JARID2: variants seen among roughly 807,000 people sequenced by gnomAD.
JARID2 encodes protein Jumonji.
In JARID2, 21 loss-of-function variants were observed where a neutral mutation model predicts 125.6. That is an observed-to-expected ratio of 0.17 (90% CI 0.12 to 0.24). The LOEUF (loss-of-function observed/expected upper bound fraction) is 0.24. Ranked by LOEUF, JARID2 falls within the 10% of genes least tolerant of loss-of-function variation. JARID2 has a pLI of 1.00. For missense variants in JARID2, 1,303 were observed against 1,639.6 expected (o/e 0.79, Z 3.55); for synonymous variants, 736 against 661.6 (o/e 1.11, Z -1.73).
At chr6:15,348,556 T>TA (rs1325080803) in intron 1 of JARID2, among the ~76,000 whole-genome samples, 2 of 152,220 alleles carry the variant, frequency 1.3e-5, no homozygotes, top group Non-Finnish European at 2.9e-5. Context: ...AGTTTGAACT[T>TA]AATTAAATTT....
At chr6:15,421,507 A>G (rs1463091414) in intron 3 of JARID2, among the ~76,000 whole-genome samples, 1 of 152,212 alleles carries the variant, frequency 6.6e-6, no homozygotes, top group East Asian at 1.9e-4. Context: ...TAATAAAAAT[A>G]GTAAACTCCA....
intron 4 of JARID2, among the ~76,000 whole-genome samples, chr6:15,455,593 G>A (rs62395398): frequency 0.074 from 11,287 of 152,164 alleles, 461 homozygotes; most frequent in East Asian, 0.091. Context: ...GTGCAACAGC[G>A]CGATCTTGGC....
chr6:15,251,759 A>C (rs1418350102), intron 1 of JARID2, among the ~76,000 whole-genome samples: 1 of 108,050 alleles, frequency 9.3e-6, no homozygotes, highest in African/African-American at 4.5e-5. Context: ...TGGGCGGATC[A>C]TGAGGGTCAG....
intron 1 of JARID2, among the ~76,000 whole-genome samples, chr6:15,286,460 C>T (rs1446863041): frequency 4.6e-5 from 7 of 151,660 alleles, no homozygotes; most frequent in East Asian, 2.0e-4. Context: ...CCATGTTGAC[C>T]GGGCTGTTCT....
intron 3 of JARID2, among the ~76,000 whole-genome samples, chr6:15,439,850 C>T (rs951632629): frequency 1.3e-5 from 2 of 152,184 alleles, no homozygotes; most frequent in Admixed American, 1.3e-4. Flanking sequence ...GGAGTTTCTG[C>T]TACTGGCTTG....
intron 3 of JARID2, among the ~76,000 whole-genome samples, chr6:15,439,827 A>C (rs1382588960): frequency 3.9e-5 from 6 of 152,204 alleles, no homozygotes; most frequent in Admixed American, 3.9e-4. Flanking sequence ...CATTCTTCCC[A>C]GTCTCACCCC....
chr6:15,273,402 T>C (rs541859810), intron 1 of JARID2, among the ~76,000 whole-genome samples: 6 of 152,356 alleles, frequency 3.9e-5, no homozygotes, highest in African/African-American at 1.4e-4. Context: ...GGTTGTGTTC[T>C]TTAAAAAACT....
At chr6:15,290,323 T>A (rs986659249) in intron 1 of JARID2, among the ~76,000 whole-genome samples, 6 of 152,374 alleles carry the variant, frequency 3.9e-5, no homozygotes, top group Non-Finnish European at 5.9e-5. Context: ...GTTTCCCATT[T>A]TTGGCTGTTA....
chr6:15,301,082 A>G (rs1761605650), intron 1 of JARID2, among the ~76,000 whole-genome samples: 1 of 152,212 alleles, frequency 6.6e-6, no homozygotes, highest in Admixed American at 6.5e-5. Context: ...AAAGCAGCGT[A>G]TAAGTAACTG....
intron 1 of JARID2, among the ~76,000 whole-genome samples, chr6:15,299,055 G>A (rs1171182724): frequency 1.3e-5 from 2 of 151,780 alleles, no homozygotes; most frequent in Non-Finnish European, 2.9e-5. Flanking sequence ...ATTTTGGGGT[G>A]CTTGGGTTCT....
chr6:15,488,374 G>A (rs190518240), intron 6 of JARID2, among the ~76,000 whole-genome samples: 3 of 152,326 alleles, frequency 2.0e-5, no homozygotes, highest in Admixed American at 6.5e-5. Flanking sequence ...CTGATGCCTC[G>A]TGCTCCTGTT....
At chr6:15,269,252 C>A (rs1760203849) in intron 1 of JARID2, among the ~76,000 whole-genome samples, 1 of 152,164 alleles carries the variant, frequency 6.6e-6, no homozygotes, top group Non-Finnish European at 1.5e-5. Flanking sequence ...CTAGACCAGG[C>A]CACTGGGCTG....
intron 1 of JARID2, among the ~76,000 whole-genome samples, chr6:15,305,573 T>C (rs950093164): frequency 1.3e-5 from 2 of 152,230 alleles, no homozygotes; most frequent in African/African-American, 4.8e-5. Context: ...TGAGTTTAGA[T>C]TCAAACTAGA....
At chr6:15,291,850 C>T (rs1321888476) in intron 1 of JARID2, among the ~76,000 whole-genome samples, 3 of 152,136 alleles carry the variant, frequency 2.0e-5, no homozygotes, top group Non-Finnish European at 4.4e-5. Context: ...TGTACTCCTA[C>T]TGTATATACA....
intron 3 of JARID2, among the ~76,000 whole-genome samples, chr6:15,443,064 C>A (rs574604650): frequency 2.0e-5 from 3 of 151,580 alleles, no homozygotes; most frequent in Non-Finnish European, 2.9e-5. Context: ...CTCTTTCCTA[C>A]CCCCCTAATC....
intron 1 of JARID2, among the ~76,000 whole-genome samples, chr6:15,300,720 T>TGAGAGA (rs1264622122): frequency 6.9e-5 from 9 of 130,100 alleles, no homozygotes; most frequent in African/African-American, 2.3e-4. Context: ...TGTGTGTGTG[T>TGAGAGA]GTGAGAGAGA....
chr6:15,390,369 G>A (rs576225022), intron 2 of JARID2, among the ~76,000 whole-genome samples: 1 of 152,070 alleles, frequency 6.6e-6, no homozygotes, highest in South Asian at 2.1e-4. Context: ...GTTCATCGCC[G>A]CACTGCCGCA....
intron 3 of JARID2, among the ~76,000 whole-genome samples, chr6:15,416,757 T>G (rs1766246943): frequency 6.6e-6 from 1 of 151,218 alleles, no homozygotes; most frequent in Non-Finnish European, 1.5e-5. Flanking sequence ...TAACTTATAT[T>G]GTTTAGAATG....
chr6:15,358,253 T>C (rs1243932286), intron 1 of JARID2, among the ~76,000 whole-genome samples: 1 of 152,238 alleles, frequency 6.6e-6, no homozygotes, highest in Non-Finnish European at 1.5e-5. Context: ...TCATCAACTT[T>C]AATGTTAGTA....
Sources: allele counts gnomAD v4.1 joint callset (sites outside exome capture counted in the v4.1 genomes callset), GRCh38; gene constraint gnomAD v4.1.1; transcripts MANE v1.5; gene names NCBI Gene and HGNC (gene_info 2026-07-23, HGNC 2026-07-21).